Variants in PPARGC1A observed in about 807,000 individuals in gnomAD.
PPARGC1A encodes peroxisome proliferator-activated receptor gamma coactivator 1-alpha.
PPARGC1A carries 25 observed loss-of-function variants against 88.7 expected under a neutral mutation model. The observed-to-expected ratio is 0.28, with a 90% CI of 0.21 to 0.39. The LOEUF (loss-of-function observed/expected upper bound fraction) is 0.39. PPARGC1A is among the 10% of genes least tolerant of loss of function. The pLI, the probability that PPARGC1A is intolerant of heterozygous loss-of-function variation, is 1.00. For missense variants in PPARGC1A, 880 were observed against 968.7 expected, an observed-to-expected ratio of 0.91 and a Z score of 1.22; for synonymous variants, 363 against 355.6, an observed-to-expected ratio of 1.02 and a Z score of -0.24.
At chr4:24,081,237 T>A in the PPARGC1A span, among the ~76,000 whole-genome samples, 1 of 152,224 alleles carries the variant, frequency 6.6e-6, no homozygotes, top group South Asian at 2.1e-4. Context: ...TTTCCAAAAT[T>A]TCTCAAAAAG....
chr4:24,446,986 T>C, the PPARGC1A span, among the ~76,000 whole-genome samples: 1 of 152,128 alleles, frequency 6.6e-6, no homozygotes, highest in Non-Finnish European at 1.5e-5. Context: ...GACACCCCTT[T>C]CTAGAGAAGG....
intron 2 of PPARGC1A, among the ~76,000 whole-genome samples, chr4:23,858,212 AG>A (rs1730557172): frequency 6.6e-6 from 1 of 152,108 alleles, no homozygotes; most frequent in South Asian, 2.1e-4. Context: ...GGCACTATAC[AG>A]GACATTTTCA....
the PPARGC1A span, among the ~76,000 whole-genome samples, chr4:24,324,252 G>T: frequency 6.6e-6 from 1 of 151,892 alleles, no homozygotes; most frequent in African/African-American, 2.4e-5. Flanking sequence ...CTTTCCTGGG[G>T]CAGGGGCAAG....
At chr4:24,040,416 A>C in the PPARGC1A span, among the ~76,000 whole-genome samples, 1 of 152,240 alleles carries the variant, frequency 6.6e-6, no homozygotes, top group African/African-American at 2.4e-5. Context: ...ATTTAGCAAT[A>C]AACAGAAAAT....
At chr4:24,318,944 T>C in the PPARGC1A span, among the ~76,000 whole-genome samples, 1 of 152,154 alleles carries the variant, frequency 6.6e-6, no homozygotes, top group Non-Finnish European at 1.5e-5. Context: ...ATGAATACTA[T>C]TTCTGTAGTT....
chr4:23,910,159 TA>T, the PPARGC1A span, among the ~76,000 whole-genome samples: 6 of 122,518 alleles, frequency 4.9e-5, 1 homozygote, highest in South Asian at 9.4e-4. Flanking sequence ...ATATATAATA[TA>T]AATATATAAT....
intron 2 of PPARGC1A, among the ~76,000 whole-genome samples, chr4:23,857,670 G>A (rs1730449437): frequency 1.3e-5 from 2 of 151,570 alleles, no homozygotes; most frequent in Admixed American, 1.3e-4. Flanking sequence ...ATTTGTAAAT[G>A]CACCACACTT....
At chr4:24,402,601 T>A in the PPARGC1A span, among the ~76,000 whole-genome samples, 1 of 152,158 alleles carries the variant, frequency 6.6e-6, no homozygotes, top group Non-Finnish European at 1.5e-5. Flanking sequence ...CAGAGCTGGG[T>A]CACAGTTTGT....
At chr4:23,917,484 C>T in the PPARGC1A span, among the ~76,000 whole-genome samples, 30 of 151,904 alleles carry the variant, frequency 2.0e-4, no homozygotes, top group Middle Eastern at 3.4e-3. Context: ...CCACCACGCC[C>T]GGCTAATTTT....
the PPARGC1A span, among the ~76,000 whole-genome samples, chr4:24,330,627 T>G: frequency 3.0e-3 from 464 of 152,252 alleles, 6 homozygotes; most frequent in African/African-American, 0.011. Context: ...AACAAATTAG[T>G]ATTTTAAGCC....
At chr4:23,927,174 AAT>A in the PPARGC1A span, among the ~76,000 whole-genome samples, 1 of 152,206 alleles carries the variant, frequency 6.6e-6, no homozygotes, top group Non-Finnish European at 1.5e-5. Flanking sequence ...CCTATTTTAT[AAT>A]AAAATGTAAT....
At chr4:24,326,776 GC>G in the PPARGC1A span, among the ~76,000 whole-genome samples, 1 of 152,152 alleles carries the variant, frequency 6.6e-6, no homozygotes, top group East Asian at 1.9e-4. Flanking sequence ...TTACACAAGA[GC>G]CAGGACCGCA....
the PPARGC1A span, among the ~76,000 whole-genome samples, chr4:23,964,637 T>C: frequency 6.6e-6 from 1 of 152,004 alleles, no homozygotes; most frequent in South Asian, 2.1e-4. Flanking sequence ...TTGGGGGTGA[T>C]CAGAAAACAC....
chr4:24,149,114 A>C, the PPARGC1A span, among the ~76,000 whole-genome samples: 1 of 152,216 alleles, frequency 6.6e-6, no homozygotes, highest in Admixed American at 6.5e-5. Context: ...GAATGACAAA[A>C]ATAACATTGT....
the PPARGC1A span, among the ~76,000 whole-genome samples, chr4:24,289,396 G>T: frequency 6.6e-6 from 1 of 152,024 alleles, no homozygotes; most frequent in Non-Finnish European, 1.5e-5. Context: ...ACCCAAGGTT[G>T]GCCCCTCTAA....
the PPARGC1A span, among the ~76,000 whole-genome samples, chr4:24,332,156 T>C: frequency 2.0e-5 from 3 of 152,090 alleles, no homozygotes; most frequent in Non-Finnish European, 4.4e-5. Context: ...TCATTTTTCT[T>C]TTATAGAGAC....
the PPARGC1A span, among the ~76,000 whole-genome samples, chr4:24,399,971 A>G: frequency 1.3e-5 from 2 of 151,838 alleles, no homozygotes; most frequent in Admixed American, 1.3e-4. Context: ...ATTTTAGTGG[A>G]GACAGGGTTT....
chr4:23,825,755 G>A (rs958750665), intron 5 of PPARGC1A, among the ~76,000 whole-genome samples: 1 of 152,042 alleles, frequency 6.6e-6, no homozygotes, highest in Non-Finnish European at 1.5e-5. Context: ...ACAGTTGAAT[G>A]GTATATCATA....
At chr4:24,072,223 TG>T in the PPARGC1A span, among the ~76,000 whole-genome samples, 5 of 150,072 alleles carry the variant, frequency 3.3e-5, no homozygotes, top group African/African-American at 1.2e-4. Flanking sequence ...TTAAATCAAA[TG>T]GTTTTATATA....
Sources: allele counts gnomAD v4.1 joint callset (sites outside exome capture counted in the v4.1 genomes callset), GRCh38; gene constraint gnomAD v4.1.1; transcripts MANE v1.5; gene names NCBI Gene and HGNC (gene_info 2026-07-23, HGNC 2026-07-21).